ENTREP2: variants seen among roughly 807,000 people sequenced by gnomAD.
ENTREP2 encodes endosomal transmembrane epsin interactor 2, also known as protein ENTREP2.
the ENTREP2 span, among the ~76,000 whole-genome samples, chr15:29,201,481 A>G: frequency 6.6e-6 from 1 of 152,184 alleles, no homozygotes; most frequent in Non-Finnish European, 1.5e-5. Flanking sequence ...TTTAGTTATG[A>G]AAAGGTGCTT....
At chr15:29,120,596 C>G in the ENTREP2 span, 2 of 152,276 alleles carry the variant, frequency 1.3e-5, no homozygotes, top group African/African-American at 4.8e-5. Flanking sequence ...CTTGTGGCCC[C>G]CAGGCTGGGG....
the ENTREP2 span, chr15:29,613,564 A>G: frequency 4.7e-6 from 1 of 211,776 alleles, no homozygotes; most frequent in Non-Finnish European, 9.9e-6. Context: ...ACTGTGGCTG[A>G]GCCCTGCAGT....
chr15:29,328,959 CAG>C, the ENTREP2 span, among the ~76,000 whole-genome samples: 1 of 152,176 alleles, frequency 6.6e-6, no homozygotes, highest in Non-Finnish European at 1.5e-5. Context: ...CCTGAAAAAA[CAG>C]ATAATGCTGA....
chr15:29,586,425 G>T, the ENTREP2 span, among the ~76,000 whole-genome samples: 3 of 152,162 alleles, frequency 2.0e-5, no homozygotes, highest in African/African-American at 7.2e-5. Context: ...AAAAAACAAT[G>T]AATTGCGTAC....
chr15:29,421,469 G>A, the ENTREP2 span, among the ~76,000 whole-genome samples: 23 of 152,304 alleles, frequency 1.5e-4, no homozygotes, highest in African/African-American at 5.5e-4. Flanking sequence ...ATGTGGAGAC[G>A]TAGTAAGTCC....
At chr15:29,269,858 G>A in the ENTREP2 span, 8 of 733,818 alleles carry the variant, frequency 1.1e-5, no homozygotes, top group Non-Finnish European at 1.6e-5. Context: ...CTTGCGTCAG[G>A]GCGGCTGGGC....
At chr15:29,232,879 T>C in the ENTREP2 span, among the ~76,000 whole-genome samples, 1 of 152,232 alleles carries the variant, frequency 6.6e-6, no homozygotes, top group African/African-American at 2.4e-5. Flanking sequence ...TAAGATTACT[T>C]ATCATACTTT....
At chr15:29,166,657 A>T in the ENTREP2 span, among the ~76,000 whole-genome samples, 82 of 152,328 alleles carry the variant, frequency 5.4e-4, no homozygotes, top group African/African-American at 1.8e-3. Flanking sequence ...AACACTGCTG[A>T]AAGTAATCAT....
At chr15:29,634,484 C>T in the ENTREP2 span, among the ~76,000 whole-genome samples, 1 of 152,218 alleles carries the variant, frequency 6.6e-6, no homozygotes, top group Non-Finnish European at 1.5e-5. Flanking sequence ...TACTCTCACC[C>T]CACAAAAATC....
the ENTREP2 span, among the ~76,000 whole-genome samples, chr15:29,518,876 A>C: frequency 6.6e-6 from 1 of 152,202 alleles, no homozygotes; most frequent in Non-Finnish European, 1.5e-5. Flanking sequence ...ACAGATGACA[A>C]GGACAACAGA....
chr15:29,325,623 A>T, the ENTREP2 span, among the ~76,000 whole-genome samples: 1 of 152,158 alleles, frequency 6.6e-6, no homozygotes, highest in Non-Finnish European at 1.5e-5. Flanking sequence ...ATTCCAAAAA[A>T]GAAAGCAGCA....
the ENTREP2 span, among the ~76,000 whole-genome samples, chr15:29,607,525 A>G: frequency 6.6e-6 from 1 of 151,888 alleles, no homozygotes. Context: ...TCTAATTCTG[A>G]TTGATGCTGT....
the ENTREP2 span, chr15:29,123,796 G>A: frequency 1.2e-5 from 10 of 813,174 alleles, no homozygotes; most frequent in African/African-American, 1.6e-4. Context: ...ATGCCCTGCT[G>A]TCCCCATCCC....
the ENTREP2 span, among the ~76,000 whole-genome samples, chr15:29,559,713 T>C: frequency 6.6e-6 from 1 of 152,170 alleles, no homozygotes; most frequent in South Asian, 2.1e-4. Flanking sequence ...TCAGATCTTC[T>C]GTCTCCCTCT....
chr15:29,208,098 G>A, the ENTREP2 span, among the ~76,000 whole-genome samples: 1 of 152,018 alleles, frequency 6.6e-6, no homozygotes, highest in Non-Finnish European at 1.5e-5. Context: ...CCTACAGCAG[G>A]GATGGCAAAC....
At chr15:29,539,126 C>T in the ENTREP2 span, among the ~76,000 whole-genome samples, 1 of 152,078 alleles carries the variant, frequency 6.6e-6, no homozygotes, top group African/African-American at 2.4e-5. Flanking sequence ...CGGGTGGAAA[C>T]GCTGCACCCG....
the ENTREP2 span, among the ~76,000 whole-genome samples, chr15:29,305,684 A>G: frequency 6.6e-6 from 1 of 152,220 alleles, no homozygotes; most frequent in East Asian, 1.9e-4. Flanking sequence ...AGAGGGGAGA[A>G]GAACAGACTT....
At chr15:29,503,817 A>G in the ENTREP2 span, among the ~76,000 whole-genome samples, 1 of 152,208 alleles carries the variant, frequency 6.6e-6, no homozygotes, top group Non-Finnish European at 1.5e-5. Flanking sequence ...ACTGTGTGGT[A>G]TATTTCATGC....
chr15:29,378,373 G>C, the ENTREP2 span, among the ~76,000 whole-genome samples: 1 of 152,144 alleles, frequency 6.6e-6, no homozygotes, highest in African/African-American at 2.4e-5. Context: ...AAACTCTGCG[G>C]TGATGGTTCC....
Sources: gnomAD v4.1 joint callset for allele counts (sites outside exome capture counted in the v4.1 genomes callset) on GRCh38, gnomAD v4.1.1 for gene constraint, MANE v1.5 for transcripts, NCBI Gene and HGNC (gene_info 2026-07-23, HGNC 2026-07-21) for gene names.